The following WWOX variants were observed in gnomAD, a reference collection of about 807,000 sequenced individuals.
The protein encoded by WWOX is WW domain-containing oxidoreductase.
Under a neutral mutation model 46.2 loss-of-function variants are expected in WWOX, and 69 were observed. The observed-to-expected ratio is 1.49, with a 90% CI of 1.23 to 1.82. WWOX has a LOEUF of 1.82. WWOX is among the 40% of genes most tolerant of loss of function. WWOX has a pLI of 0.00. For missense variants in WWOX, 919 were observed against 542.6 expected, an observed-to-expected ratio of 1.69 and a Z score of -6.89; for synonymous variants, 359 against 202.6, an observed-to-expected ratio of 1.77 and a Z score of -6.56.
At chr16:78,793,937 G>A (rs747092570) in intron 8 of WWOX, among the ~76,000 whole-genome samples, 5 of 151,970 alleles carry the variant, frequency 3.3e-5, no homozygotes, top group Admixed American at 1.3e-4. Flanking sequence ...TTTTGATATA[G>A]AAGAGGATGT....
chr16:78,500,818 C>T lies in WWOX; in HGVS notation c.1056+68066C>T, dbSNP rs577740931. Among the ~76,000 whole-genome samples the T allele has an allele frequency of 6.6e-5, 10 of 152,194 alleles. No homozygotes were observed. In the South Asian group the frequency reaches 8.3e-4, roughly 13 times the overall value. On this transcript the variant is annotated intron_variant, in intron 8 of 8. Coordinates refer to ENST00000566780, the MANE Select transcript of WWOX (RefSeq NM_016373.4). The stretch of plus-strand genomic sequence containing the variant: ...AAAATTGTCATTGATCAGTACAGAC[C>T]CAGAGAGCATGTACAACAGCGCCTG...
chr16:78,646,064 C>G (rs1385733155), intron 8 of WWOX, among the ~76,000 whole-genome samples: 1 of 152,058 alleles, frequency 6.6e-6, no homozygotes, highest in East Asian at 1.9e-4. Flanking sequence ...ATTGGTCTTC[C>G]TTGGGTAACT....
intron 5 of WWOX, among the ~76,000 whole-genome samples, chr16:78,303,730 G>A (rs1807140): frequency 0.099 from 14,995 of 152,114 alleles, 1,001 homozygotes; most frequent in East Asian, 0.24. Context: ...TTTTAGTAGA[G>A]ACGGGATTTC....
At chr16:78,850,606 T>C (rs1332524826) in intron 8 of WWOX, among the ~76,000 whole-genome samples, 2 of 152,222 alleles carry the variant, frequency 1.3e-5, no homozygotes, top group African/African-American at 2.4e-5. Context: ...GTTCCACTGC[T>C]ACTTCATATT....
intron 8 of WWOX, among the ~76,000 whole-genome samples, chr16:78,470,861 A>C (rs2084204576): frequency 6.6e-6 from 1 of 152,168 alleles, no homozygotes; most frequent in Non-Finnish European, 1.5e-5. Context: ...CCAGTGTGGT[A>C]GGTACCTTTG....
intron 8 of WWOX, among the ~76,000 whole-genome samples, chr16:78,753,600 G>A (rs761330768): frequency 2.0e-5 from 3 of 151,496 alleles, no homozygotes; most frequent in East Asian, 2.0e-4. Context: ...AGGAGTTTGC[G>A]ACCAGCCTGG....
At chr16:78,917,877 C>T (rs907690716) in intron 8 of WWOX, among the ~76,000 whole-genome samples, 1 of 152,090 alleles carries the variant, frequency 6.6e-6, no homozygotes, top group South Asian at 2.1e-4. Flanking sequence ...TAAGTGAGAT[C>T]TTGTTTTTTA....
At position 78,950,216 on chromosome 16, in the gene WWOX, C is replaced by G. The variant is rs183853256; in HGVS notation, c.1057-261392C>G. On this transcript the variant is annotated intron_variant, in intron 8 of 8. Transcript: ENST00000566780. ...CTAATCCATCCTTTTCCAATATTCC[C>G]TCCTAATCTTTCAGTTGAATTACGG... Among the ~76,000 whole-genome samples the G allele has an allele frequency of 5.3e-4, 80 of 152,260 alleles. 1 individual carries two copies. The highest frequency in any genetic ancestry group is 2.6e-3 in the Admixed American group (40 of 15,290).
chr16:78,636,998 C>A (rs192901765), intron 8 of WWOX, among the ~76,000 whole-genome samples: 2 of 152,172 alleles, frequency 1.3e-5, no homozygotes. Context: ...GAGGCAAGTG[C>A]GCATTTGAGA....
intron 8 of WWOX, among the ~76,000 whole-genome samples, chr16:79,102,143 G>T (rs1377259802): frequency 6.6e-6 from 1 of 151,716 alleles, no homozygotes; most frequent in Non-Finnish European, 1.5e-5. Flanking sequence ...ATGTACTGGA[G>T]TGCTTATAGT....
intron 8 of WWOX, chr16:79,203,532 C>G (rs1370615354): frequency 6.9e-6 from 1 of 145,140 alleles, no homozygotes; most frequent in African/African-American, 2.6e-5. Flanking sequence ...TTTTTCAGGA[C>G]TATGTTATAG....
intron 8 of WWOX, among the ~76,000 whole-genome samples, chr16:78,585,427 T>C (rs1042543952): frequency 6.6e-6 from 1 of 152,164 alleles, no homozygotes; most frequent in African/African-American, 2.4e-5. Flanking sequence ...TTACAGCCTT[T>C]GACCACCTCC....
intron 5 of WWOX, among the ~76,000 whole-genome samples, chr16:78,219,075 C>A (rs181408120): frequency 2.0e-5 from 3 of 152,070 alleles, no homozygotes; most frequent in African/African-American, 4.8e-5. Flanking sequence ...AAGGAAGTTG[C>A]GCTTGAGGAA....
At chr16:78,183,602 TA>T (rs1475394596) in intron 5 of WWOX, among the ~76,000 whole-genome samples, 6 of 152,168 alleles carry the variant, frequency 3.9e-5, no homozygotes, top group Non-Finnish European at 7.3e-5. Flanking sequence ...TTGTCAGGAT[TA>T]AATGAGATAA....
chr16:78,337,694 C>A (rs2080924692), intron 5 of WWOX, among the ~76,000 whole-genome samples: 1 of 151,872 alleles, frequency 6.6e-6, no homozygotes, highest in South Asian at 2.1e-4. Flanking sequence ...CAGCAAAGTC[C>A]TTCTGAGAAT....
chr16:78,990,344 G>T (rs1397938661), intron 8 of WWOX, among the ~76,000 whole-genome samples: 1 of 152,120 alleles, frequency 6.6e-6, no homozygotes, highest in Non-Finnish European at 1.5e-5. Flanking sequence ...TCCTCCTTGT[G>T]CCTTGAGAAG....
chr16:78,099,757 C>A lies in WWOX; in HGVS notation c.-22C>A. The A allele has an allele frequency of 2.0e-6, 3 of 1,528,354 alleles. No homozygotes were observed. Among genetic ancestry groups the A allele is most frequent in the Admixed American group, 2.1e-5 (1 of 46,942 alleles). The allele number at this position is 1,528,354 out of a possible 1,614,324, so 94.7% of individuals were successfully genotyped here. ...GACCCGGCAGCGGGCGATAGGGGGG[C>A]CAGGTGCCTCCACAGTCAGCCATGG... is the stretch of plus-strand genomic sequence containing the variant. On this transcript the variant is annotated 5_prime_UTR_variant, in exon 1 of 9. Coordinates refer to ENST00000566780, the MANE Select transcript of WWOX (RefSeq NM_016373.4).
At chr16:79,189,806 G>C (rs187311295) in intron 8 of WWOX, among the ~76,000 whole-genome samples, 117 of 151,480 alleles carry the variant, frequency 7.7e-4, no homozygotes, top group South Asian at 2.1e-4. Context: ...GGGAGGGGGG[G>C]GATATTTATT....
chr16:78,979,199 G>T (rs1244264609), intron 8 of WWOX, among the ~76,000 whole-genome samples: 2 of 150,594 alleles, frequency 1.3e-5, no homozygotes, highest in Non-Finnish European at 2.9e-5. Flanking sequence ...GTTACAAAAA[G>T]AATTCACATT....
Sources: gnomAD v4.1 joint callset for allele counts (sites outside exome capture counted in the v4.1 genomes callset) on GRCh38, gnomAD v4.1.1 for gene constraint, MANE v1.5 for transcripts, NCBI Gene and HGNC (gene_info 2026-07-23, HGNC 2026-07-21) for gene names.